SIGLEC12: variants seen among roughly 807,000 people sequenced by gnomAD.
SIGLEC12 encodes sialic acid binding Ig like lectin 12.
Under a neutral mutation model 54.1 loss-of-function variants are expected in SIGLEC12, and 43 were observed. The observed-to-expected ratio is 0.80, with a 90% CI of 0.62 to 1.03. The LOEUF (loss-of-function observed/expected upper bound fraction) is 1.03, where lower values mean the gene tolerates loss of function less well. Among genes scored for constraint, SIGLEC12 ranks in the 50% least tolerant of loss-of-function variants. The pLI is 0.00. For missense variants in SIGLEC12, 802 were observed against 735.2 expected (o/e 1.09, Z -1.05); for synonymous variants, 357 against 307.6 (o/e 1.16, Z -1.68).
Position 51,498,116 on chromosome 19 carries a change from A to C in SIGLEC12, c.1307T>G (p.Val436Gly). 6.2e-7 allele frequency: 1 copy of C among 1,614,178 alleles called. No individual in the cohort carries two copies. The highest frequency in any genetic ancestry group is 8.5e-7 in the Non-Finnish European group (1 of 1,180,032). ...SNLGVLELPR[V>G]HVKDEGEFTC... ...GAATTCCCCTTCATCCTTCACATGC[A>C]CTCGAGGCAGCTCCAGCACCCCAAG... Residue 436 changes from valine to glycine, a missense_variant, in exon 5 of 8, where the codon GTG (valine) becomes GGG (glycine). Coordinates refer to ENST00000291707, the MANE Select transcript of SIGLEC12 (RefSeq NM_053003.4).
chr19:51,500,364 G>A lies in SIGLEC12; in HGVS notation c.428-64C>T, dbSNP rs528482530. ...CTCTCTTCATTTGCCCATAGCAGGG[G>A]CAGCAGCATCTCTGAGGCAGAGGCT... On this transcript the variant is annotated intron_variant, in intron 1 of 7. Coordinates refer to ENST00000291707, the MANE Select transcript of SIGLEC12 (RefSeq NM_053003.4). The A allele has an allele frequency of 4.0e-5, 64 of 1,613,332 alleles. No individual in the cohort carries two copies. In the Middle Eastern group the frequency reaches 6.6e-4, roughly 17 times the overall value.
chr19:51,499,357 G>T, intron 3 of SIGLEC12, 81 bp downstream of exon 3: 1 of 1,552,746 alleles, frequency 6.4e-7, no homozygotes, highest in Non-Finnish European at 8.7e-7. Flanking sequence ...CCAGGACCCA[G>T]ATCCTTGAGT....
chr19:51,500,058 C>T lies in SIGLEC12; in HGVS notation c.670G>A (p.Gly224Arg). The T allele has an allele frequency of 6.2e-7, 1 of 1,614,114 alleles. No homozygotes were observed. The highest frequency in any genetic ancestry group is 8.5e-7 in the Non-Finnish European group (1 of 1,179,980). Residue 224 changes from glycine (G) to arginine (R), a missense_variant, in exon 2 of 8, where the codon GGG becomes AGG. By Grantham distance (125) the Gly-to-Arg change is moderately radical (BLOSUM62 -2). Coordinates refer to ENST00000291707, the MANE Select transcript of SIGLEC12 (RefSeq NM_053003.4). ...GAGCAGTTGTTGGTCTGTGGGTCCC[C>T]AAGGAGGAGGAATCGACCGTGGGTA... ...EDTHGRFLLL[G>R]DPQTNNCSLS...
intron 7 of SIGLEC12, among the ~76,000 whole-genome samples, chr19:51,495,310 T>C (rs1280868405): frequency 9.4e-5 from 9 of 95,796 alleles, no homozygotes; most frequent in South Asian, 4.6e-4. Flanking sequence ...GACGGACGGG[T>C]GGGTGGATGG....
At chr19:51,495,207 G>A (rs528179387) in intron 7 of SIGLEC12, among the ~76,000 whole-genome samples, 1 of 129,924 alleles carries the variant, frequency 7.7e-6, no homozygotes, top group Admixed American at 7.7e-5. Context: ...ATGGACGGAC[G>A]GGTGGGTGGG....
chr19:51,495,908 G>T (rs1990229800), intron 7 of SIGLEC12, among the ~76,000 whole-genome samples: 1 of 152,192 alleles, frequency 6.6e-6, no homozygotes, highest in Non-Finnish European at 1.5e-5. Flanking sequence ...ATAGGAATCA[G>T]GGAGTGGGGA....
chr19:51,498,355 A>G (rs1291482089), intron 4 of SIGLEC12, 68 bp from the exon 5 acceptor site: 1 of 1,390,404 alleles, frequency 7.2e-7, no homozygotes, highest in African/African-American at 1.4e-5. Flanking sequence ...GGATACAGAA[A>G]GAGAGTGGTG....
chr19:51,492,988 C>T (rs1222209318), intron 7 of SIGLEC12, among the ~76,000 whole-genome samples: 1 of 152,202 alleles, frequency 6.6e-6, no homozygotes, highest in Non-Finnish European at 1.5e-5. Context: ...GAGGCTTCTC[C>T]TTCATCTCTG....
Position 51,498,172 on chromosome 19 carries a change from G to A in SIGLEC12, c.1251C>T (p.Ser417=). The change falls in exon 5 of 8, where the codon AGC becomes AGT. Residue 417 remains serine, a synonymous_variant. Coordinates refer to ENST00000291707, the MANE Select transcript of SIGLEC12 (RefSeq NM_053003.4). ...AGGACTGTGAGGGGCTCAGGGTCAG[G>A]CTCCCCCAGGTCCAGCTCAGCCTGG... ...PPARLSWTWG[S]LTLSPSQSSN... 6.2e-7 allele frequency: 1 copy of A among 1,614,216 alleles called. No individual in the cohort carries two copies. Among genetic ancestry groups the A allele is most frequent in the East Asian group, 2.2e-5 (1 of 44,888 alleles).
At chr19:51,497,045 C>A in intron 6 of SIGLEC12, 69 bp from the exon 7 acceptor site, 1 of 1,610,130 alleles carries the variant, frequency 6.2e-7, no homozygotes, top group Non-Finnish European at 8.5e-7. Flanking sequence ...CCAACCCCTG[C>A]CCTGTATTTC....
At chr19:51,499,239 T>A (rs59372820) in intron 3 of SIGLEC12, 22 bp from the exon 4 acceptor site, 286,881 of 1,610,560 alleles carry the variant, frequency 0.18, 26,865 homozygotes, top group African/African-American at 0.26. Context: ...AGACACGGAG[T>A]TCCCATCACT....
chr19:51,497,277 G>A, intron 6 of SIGLEC12, 72 bp downstream of exon 6: 1 of 1,383,128 alleles, frequency 7.2e-7, no homozygotes, highest in Non-Finnish European at 1.0e-6. Context: ...GGTCCTTCCA[G>A]GTCTGGCTTC....
Position 51,491,653 on chromosome 19 carries a change from G to T in SIGLEC12, c.1776C>A (p.Asn592Lys). 4.3e-6 allele frequency: 7 copies of T among 1,614,072 alleles called. No homozygotes were observed. Among genetic ancestry groups the T allele is most frequent in the Non-Finnish European group, 5.1e-6 (6 of 1,180,014 alleles). Residue 592 changes from asparagine (N) to lysine (K), a missense_variant, in exon 8 of 8, where the codon AAC (asparagine) becomes AAA (lysine). Asn to Lys is a moderately conservative substitution (Grantham distance 94). Coordinates refer to ENST00000291707, the MANE Select transcript of SIGLEC12 (RefSeq NM_053003.4). ...TCTCTGCAGTTTCTCACTTGGGGAT[G>T]TTGATCTCGGAGTACTCATAGCCGA... ...EAIGYEYSEINIPK is the reference protein window; with the variant it reads ...EAIGYEYSEIKIPK
At chr19:51,497,724 C>T (rs980002976) in intron 5 of SIGLEC12, among the ~76,000 whole-genome samples, 2 of 152,192 alleles carry the variant, frequency 1.3e-5, no homozygotes, top group Non-Finnish European at 2.9e-5. Flanking sequence ...ATTTCTCTTG[C>T]TTGCTGAGTT....
At chr19:51,493,144 GCTT>G (rs1461358164) in intron 7 of SIGLEC12, among the ~76,000 whole-genome samples, 1 of 152,132 alleles carries the variant, frequency 6.6e-6, no homozygotes, top group East Asian at 1.9e-4. Flanking sequence ...CATGACCACT[GCTT>G]GGCTGAGTCC....
intron 1 of SIGLEC12, 97 bp from the exon 2 acceptor site, chr19:51,500,397 C>T: frequency 6.2e-7 from 1 of 1,601,006 alleles, no homozygotes; most frequent in Non-Finnish European, 8.5e-7. Context: ...GCTTCCTGGG[C>T]TCCCTGTGTG....
Position 51,499,074 on chromosome 19 carries a change from C to T in SIGLEC12, c.1135+96G>A, listed in dbSNP as rs528291230. 6.8e-5 allele frequency: 93 copies of T among 1,373,068 alleles called. No homozygotes were observed. In the African/African-American group the frequency reaches 1.2e-3, roughly 17 times the overall value. 85.1% of individuals were successfully genotyped at this position (1,373,068 alleles called of 1,614,324 possible). On this transcript the variant is annotated intron_variant, in intron 4 of 7. Transcript: ENST00000291707. ...TGAGGGAGGGGGGGGCCGGGGCTCACCCACAAAAGGGTCTCAGGTCACCAG... is the reference window on the plus strand; with the variant it reads ...TGAGGGAGGGGGGGGCCGGGGCTCATCCACAAAAGGGTCTCAGGTCACCAG...
intron 1 of SIGLEC12, among the ~76,000 whole-genome samples, chr19:51,500,863 G>A (rs1048862986): frequency 2.6e-5 from 4 of 152,038 alleles, no homozygotes; most frequent in African/African-American, 4.8e-5. Context: ...AGAGAGTCAC[G>A]GGGTTGTGTA....
intron 1 of SIGLEC12, chr19:51,500,505 C>T: frequency 1.2e-6 from 1 of 804,588 alleles, no homozygotes; most frequent in Non-Finnish European, 2.0e-6. Context: ...AGAGAAACTG[C>T]AAACCCACAT....
Sources: gnomAD v4.1 joint callset for allele counts (sites outside exome capture counted in the v4.1 genomes callset) on GRCh38, gnomAD v4.1.1 for gene constraint, MANE v1.5 for transcripts, NCBI Gene and HGNC (gene_info 2026-07-23, HGNC 2026-07-21) for gene names.